The following NWD1 variants were observed in gnomAD, a reference collection of about 807,000 sequenced individuals.
NWD1 encodes the protein NACHT domain- and WD repeat-containing protein 1.
NWD1 carries 129 observed loss-of-function variants against 135.1 expected under a neutral mutation model. That is an observed-to-expected ratio of 0.96 (90% CI 0.83 to 1.11). The LOEUF (loss-of-function observed/expected upper bound fraction) is 1.11, where lower values mean the gene tolerates loss of function less well. Ranked by LOEUF, NWD1 falls within the 50% of genes least tolerant of loss-of-function variation. The probability of loss-of-function intolerance (pLI) is 0.00; values close to 1 mark genes in which losing one functional copy is unlikely to be tolerated. For missense variants in NWD1, 1,740 were observed against 1,851.3 expected (o/e 0.94, Z 1.10); for synonymous variants, 773 against 786.0 (o/e 0.98, Z 0.28).
intron 8 of NWD1, 34 bp from the exon 9 acceptor site, chr19:16,763,794 T>A: frequency 1.5e-6 from 2 of 1,318,562 alleles, no homozygotes; most frequent in Non-Finnish European, 2.2e-6. Flanking sequence ...AATGGGTTTG[T>A]GTCCAAGCTG....
intron 12 of NWD1, among the ~76,000 whole-genome samples, chr19:16,784,208 GA>G (rs570732837): frequency 0.013 from 1,568 of 122,736 alleles, 8 homozygotes; most frequent in Middle Eastern, 0.039. Flanking sequence ...GTCTTAAAAA[GA>G]AAAAAAAAAA....
intron 7 of NWD1, among the ~76,000 whole-genome samples, chr19:16,759,781 G>A (rs1351566753): frequency 6.6e-6 from 1 of 152,022 alleles, no homozygotes; most frequent in Non-Finnish European, 1.5e-5. Context: ...ATCACCTGAG[G>A]TCAGGAGTTT....
chr19:16,783,567 G>C (rs1969935386), intron 12 of NWD1, among the ~76,000 whole-genome samples: 1 of 151,858 alleles, frequency 6.6e-6, no homozygotes, highest in African/African-American at 2.4e-5. Context: ...CCAGGAGGTG[G>C]AGGTTGCAGT....
intron 10 of NWD1, among the ~76,000 whole-genome samples, chr19:16,768,204 C>T (rs1000673315): frequency 2.8e-4 from 42 of 152,078 alleles, no homozygotes; most frequent in African/African-American, 9.6e-4. Flanking sequence ...CTATGTTAGC[C>T]AGGCTGGTCT....
At chr19:16,772,897 T>C (rs1447325527) in intron 10 of NWD1, among the ~76,000 whole-genome samples, 1 of 151,962 alleles carries the variant, frequency 6.6e-6, no homozygotes, top group African/African-American at 2.4e-5. Context: ...GGAAGCATTC[T>C]AGGCAACCTG....
At chr19:16,742,135 G>A (rs1968110110) in intron 4 of NWD1, among the ~76,000 whole-genome samples, 1 of 151,810 alleles carries the variant, frequency 6.6e-6, no homozygotes, top group South Asian at 2.1e-4. Context: ...AACACTTTGG[G>A]AGGCTGAAGC....
chr19:16,774,652 C>T (rs576246062), intron 11 of NWD1, among the ~76,000 whole-genome samples: 3 of 152,032 alleles, frequency 2.0e-5, no homozygotes, highest in African/African-American at 7.2e-5. Flanking sequence ...ATCCGTCCAT[C>T]CACCCACCCT....
Position 16,765,019 on chromosome 19 carries a change from C to A in NWD1, c.2252-15C>A, listed in dbSNP as rs113837227. 17 of 1,613,716 alleles carry A rather than the reference C, an allele frequency of 1.1e-5. No homozygotes were observed. Among genetic ancestry groups the A allele is most frequent in the African/African-American group, 8.0e-5 (6 of 74,910 alleles). ...GGTAGGCACTTCCCACATCCTCCCC[C>A]CTTCTCTCCCTCAGGCAGCATGAGC... On this transcript the variant is annotated splice_polypyrimidine_tract_variant and intron_variant, in intron 9 of 18. Coordinates refer to ENST00000524140, the MANE Select transcript of NWD1 (RefSeq NM_001007525.5).
intron 5 of NWD1, chr19:16,745,262 A>C (rs1968263756): frequency 3.0e-6 from 1 of 330,280 alleles, no homozygotes; most frequent in Non-Finnish European, 6.0e-6. Flanking sequence ...CCCATGATTC[A>C]ATTATCTCCC....
At position 16,749,739 on chromosome 19, in the gene NWD1, C is replaced by T; in HGVS notation, c.1097C>T (p.Thr366Ile). Residue 366 changes from threonine (T) to isoleucine (I), a missense_variant, in exon 6 of 19, where the codon ACA (threonine) becomes ATA (isoleucine). By Grantham distance (89) the Thr-to-Ile change is moderately conservative. Coordinates refer to ENST00000524140, the MANE Select transcript of NWD1 (RefSeq NM_001007525.5). ...EQMPRLLGHK[T>I]VTVLRLLGTS... ...ATGCCAAGGCTGCTGGGGCACAAGACAGTGACCGTCCTGCGGCTGCTGGGG... is the reference window on the plus strand; with the variant it reads ...ATGCCAAGGCTGCTGGGGCACAAGATAGTGACCGTCCTGCGGCTGCTGGGG... 1 of 1,606,982 alleles carries T rather than the reference C, an allele frequency of 6.2e-7. No individual in the cohort carries two copies. The highest frequency in any genetic ancestry group is 8.5e-7 in the Non-Finnish European group (1 of 1,176,124).
intron 2 of NWD1, among the ~76,000 whole-genome samples, chr19:16,728,378 A>G (rs938755029): frequency 1.4e-5 from 2 of 145,364 alleles, no homozygotes; most frequent in South Asian, 4.4e-4. Flanking sequence ...TCTGTCTCCC[A>G]GGTTCAAGGG....
chr19:16,723,637 A>C lies in NWD1; in HGVS notation c.-104-729A>C, dbSNP rs935970755. 2.6e-5 allele frequency among the ~76,000 whole-genome samples: 4 copies of C among 152,182 alleles called. No homozygotes were observed. The East Asian group carries it at 5.8e-4, about 22-fold the overall frequency. On this transcript the variant is annotated intron_variant, in intron 1 of 18. Coordinates refer to ENST00000524140, the MANE Select transcript of NWD1 (RefSeq NM_001007525.5). Reference sequence around the variant, plus strand: ...CCTTGGCTGATTTTAATTTATATCCATTCATCATAACCTATGAGTACCTAT... The same window carrying C: ...CCTTGGCTGATTTTAATTTATATCCCTTCATCATAACCTATGAGTACCTAT...
chr19:16,787,876 C>A (rs528343404), intron 12 of NWD1, among the ~76,000 whole-genome samples: 11,522 of 119,000 alleles, frequency 0.097, 1,041 homozygotes, highest in African/African-American at 0.24. Flanking sequence ...GTAATAATAA[C>A]AATAATAATA....
Position 16,763,920 on chromosome 19 carries a change from G to C in NWD1, c.2226G>C (p.Leu742=). The part of the protein sequence containing the change: ...LPYHLLHSGR[L]EELKQEVLGS... ...ATCACCTGCTTCACTCGGGCCGCCT[G>C]GAGGAGCTGAAACAGGAGGTTCTGG... is the stretch of plus-strand genomic sequence containing the variant. Residue 742 remains leucine, a synonymous_variant, in exon 9 of 19, where the codon CTG becomes CTC. Coordinates refer to ENST00000524140, the MANE Select transcript of NWD1 (RefSeq NM_001007525.5). The C allele has an allele frequency of 6.2e-7, 1 of 1,613,130 alleles. No homozygotes were observed. The highest frequency in any genetic ancestry group is 1.1e-5 in the South Asian group (1 of 91,062).
intron 4 of NWD1, chr19:16,738,278 AAGTACCATGGCCAGGTATGGTG>A: frequency 2.2e-6 from 1 of 448,048 alleles, no homozygotes; most frequent in South Asian, 1.6e-5. Flanking sequence ...AAGTAAAGAA[AAGTACCATGGCCAGGTATGGTG>A]GCTCACTCCT....
At chr19:16,788,135 C>G (rs558840173) in intron 12 of NWD1, among the ~76,000 whole-genome samples, 1 of 148,002 alleles carries the variant, frequency 6.8e-6, no homozygotes, top group South Asian at 2.1e-4. Flanking sequence ...GAGGCTGAAA[C>G]AGGAGAATTG....
rs138963732 is a variant in NWD1, at chr19:16,800,121, T to C, written c.3695T>C (p.Ile1232Thr). The C allele has an allele frequency of 2.0e-5, 33 of 1,613,558 alleles. No homozygotes were observed. Among genetic ancestry groups the C allele is most frequent in the East Asian group, 4.5e-5 (2 of 44,878 alleles). ...HNGSYVYFPKIGDKNKVTIWD... is the reference protein window; with the variant it reads ...HNGSYVYFPKTGDKNKVTIWD... Reference sequence around the variant, plus strand: ...GGAAGCTACGTCTACTTCCCCAAAATTGGGGACAAAAACAAAGTCACTATT... The same window carrying C: ...GGAAGCTACGTCTACTTCCCCAAAACTGGGGACAAAAACAAAGTCACTATT... Residue 1232 changes from isoleucine (I) to threonine (T), a missense_variant, in exon 17 of 19, where the codon ATT (isoleucine) becomes ACT (threonine). Coordinates refer to ENST00000524140, the MANE Select transcript of NWD1 (RefSeq NM_001007525.5).
intron 12 of NWD1, among the ~76,000 whole-genome samples, chr19:16,786,493 C>T (rs1970045245): frequency 6.6e-6 from 1 of 151,978 alleles, no homozygotes; most frequent in Non-Finnish European, 1.5e-5. Flanking sequence ...TGACCCTCTT[C>T]CTCCTTCCCC....
rs766213010 is a variant in NWD1 at position 16,791,438 on chromosome 19, C to A, written c.3029C>A (p.Ala1010Asp). The A allele has an allele frequency of 9.9e-6, 16 of 1,614,000 alleles. No individual in the cohort carries two copies. The South Asian group carries it at 1.8e-4, about 18-fold the overall frequency. ...SDPWMCMAVL[A>D]SQATLLTVSR... ...CCTTGGATGTGCATGGCCGTGCTGGCCTCCCAGGCCACACTGCTGACAGTG... is the reference window on the plus strand; with the variant it reads ...CCTTGGATGTGCATGGCCGTGCTGGACTCCCAGGCCACACTGCTGACAGTG... Residue 1010 changes from alanine (A) to aspartate (D), a missense_variant, in exon 14 of 19, where the codon GCC (alanine) becomes GAC (aspartate). Ala to Asp is a moderately radical substitution (Grantham distance 126). Transcript: ENST00000524140.
Sources: gnomAD v4.1 joint callset for allele counts (sites outside exome capture counted in the v4.1 genomes callset) on GRCh38, gnomAD v4.1.1 for gene constraint, MANE v1.5 for transcripts, NCBI Gene and HGNC (gene_info 2026-07-23, HGNC 2026-07-21) for gene names.